The following C1QTNF5 variants were observed in gnomAD, a reference collection of about 807,000 sequenced individuals.
C1QTNF5 encodes complement C1q tumor necrosis factor-related protein 5.
In C1QTNF5, 5 loss-of-function variants were observed where a neutral mutation model predicts 10.9. The observed-to-expected ratio is 0.46, with a 90% CI of 0.24 to 0.97. C1QTNF5 has a LOEUF of 0.97. Among genes scored for constraint, C1QTNF5 ranks in the 50% least tolerant of loss-of-function variants. The probability of loss-of-function intolerance (pLI) is 0.19; values close to 1 mark genes in which losing one functional copy is unlikely to be tolerated. For synonymous variants in C1QTNF5, 161 were observed against 156.5 expected, an observed-to-expected ratio of 1.03 and a Z score of -0.22; for missense variants, 281 against 339.4, an observed-to-expected ratio of 0.83 and a Z score of 1.35.
At position 119,340,182 on chromosome 11, in the gene C1QTNF5, A is replaced by G; in HGVS notation, c.214+2T>C. 1 of 1,513,800 alleles carries G rather than the reference A, an allele frequency of 6.6e-7. No individual in the cohort carries two copies. Among genetic ancestry groups the G allele is most frequent in the Non-Finnish European group, 8.8e-7 (1 of 1,134,002 alleles). 93.8% of individuals were successfully genotyped at this position (1,513,800 alleles called of 1,614,324 possible). ...CCGATAGCCGCGGCGGTGCCTTCTT[A>G]CCCGGCCTCCCGCCCTCGCCTTTCT... On this transcript the variant is annotated splice_donor_variant, in intron 2 of 2. Coordinates refer to ENST00000528368, the MANE Select transcript of C1QTNF5 (RefSeq NM_001278431.2). LOFTEE classifies it high-confidence loss of function.
chr11:119,339,824 G>GGGTCCCCTCGA lies in C1QTNF5; in HGVS notation c.228_238dup (p.Pro80LeufsTer55). 6.6e-7 allele frequency: 1 copy of GGGTCCCCTCGA among 1,512,572 alleles called. No homozygotes were observed. Among genetic ancestry groups the GGGTCCCCTCGA allele is most frequent in the Non-Finnish European group, 8.8e-7 (1 of 1,136,998 alleles). 93.7% of individuals were successfully genotyped at this position (1,512,572 alleles called of 1,614,324 possible). ...GGGTCCCGCCTCTCCTCGCGGCCCG[G>GGGTCCCCTCGA]GGTCCCCTCGAGGTCCCGGCAGTCC... On this transcript the variant is annotated frameshift_variant, in exon 3 of 3. Transcript: ENST00000528368. LOFTEE classifies it low-confidence loss of function (END_TRUNC). This position sits in a 1 kb window ranked among gnomAD's most constrained non-coding sequence, Gnocchi z 5.4.
upstream of C1QTNF5, chr11:119,344,564 G>A (rs1950539012): frequency 6.2e-7 from 1 of 1,609,828 alleles, no homozygotes; most frequent in South Asian, 1.1e-5. Flanking sequence ...GGCTGGACCA[G>A]AGCTGGGGAG....
upstream of C1QTNF5, chr11:119,345,467 A>G (rs1216492448): frequency 6.2e-7 from 1 of 1,614,036 alleles, no homozygotes; most frequent in Non-Finnish European, 8.5e-7. Flanking sequence ...AGCGATCAAA[A>G]AGGCAAGAGG....
upstream of C1QTNF5, chr11:119,341,707 A>T (rs1950504406): frequency 1.2e-6 from 2 of 1,613,170 alleles, no homozygotes; most frequent in Non-Finnish European, 1.7e-6. Flanking sequence ...GTGGGGTGCA[A>T]CGGGGCACAA....
At chr11:119,344,005 C>T (rs1357626542), upstream of C1QTNF5, 2 of 1,607,820 alleles carry the variant, frequency 1.2e-6, no homozygotes, top group African/African-American at 1.3e-5. Context: ...GGCCCCTTCT[C>T]CTGTCTCATC....
chr11:119,339,331 C>A lies in C1QTNF5; in HGVS notation c.732G>T (p.Ter244TyrextTer36), dbSNP rs1400922950. The A allele has an allele frequency of 6.2e-7, 1 of 1,612,178 alleles. No homozygotes were observed. Among genetic ancestry groups the A allele is most frequent in the Non-Finnish European group, 8.5e-7 (1 of 1,178,946 alleles). ...SDWHSSPVFA* is the reference protein window; with the variant it reads ...SDWHSSPVFAY ...GCATGAGCTCACTTTGCAGTGGGCA[C>A]TAAGCAAAGACTGGGGAGCTGTGCC... Residue 244 changes from the stop codon to tyrosine, a stop_lost, in exon 3 of 3, where the codon TAG becomes TAT. Transcript: ENST00000528368. This position sits in a 1 kb window ranked among gnomAD's most constrained non-coding sequence, Gnocchi z 5.4.
upstream of C1QTNF5, chr11:119,341,387 G>C (rs1333783847): frequency 3.2e-6 from 2 of 633,946 alleles, no homozygotes; most frequent in Non-Finnish European, 5.5e-6. Context: ...GGGTGGTAGG[G>C]TCCCATGAGC....
chr11:119,342,602 G>T (rs1950513569), upstream of C1QTNF5: 1 of 1,613,220 alleles, frequency 6.2e-7, no homozygotes, highest in Non-Finnish European at 8.5e-7. Context: ...TCACCTGGGG[G>T]TGGGAACAAG....
At position 119,339,205 on chromosome 11, in the gene C1QTNF5, G is replaced by T; in HGVS notation, c.*126C>A. 9.3e-7 allele frequency: 1 copy of T among 1,080,930 alleles called. No homozygotes were observed. The highest frequency in any genetic ancestry group is 1.6e-5 in the African/African-American group (1 of 62,906). 67.0% of individuals were successfully genotyped at this position (1,080,930 alleles called of 1,614,324 possible). A position where few individuals can be genotyped will look rare whatever the true frequency, so the allele number is the denominator to read the frequency against. ...TTCCTTGCCAGCAGCAGGACGGAGA[G>T]TGCTCTACCCCACCTCCCTAGTCAT... On this transcript the variant is annotated 3_prime_UTR_variant, in exon 3 of 3. Transcript: ENST00000528368. This position sits in a 1 kb window ranked among gnomAD's most constrained non-coding sequence, Gnocchi z 5.4.
upstream of C1QTNF5, chr11:119,343,809 C>T: frequency 6.2e-7 from 1 of 1,613,812 alleles, no homozygotes; most frequent in Non-Finnish European, 8.5e-7. Flanking sequence ...TTCCCTGGCT[C>T]CTGTACCTGC....
At chr11:119,344,976 G>A (rs1383430915), upstream of C1QTNF5, 1 of 1,607,682 alleles carries the variant, frequency 6.2e-7, no homozygotes, top group Non-Finnish European at 8.5e-7. Flanking sequence ...TTGGTGTTGA[G>A]CGTGGGGGGA....
upstream of C1QTNF5, chr11:119,341,784 G>T: frequency 6.2e-7 from 1 of 1,613,238 alleles, no homozygotes; most frequent in Non-Finnish European, 8.5e-7. Context: ...TGCGGAGGGA[G>T]AGTGGCCTTC....
chr11:119,345,560 G>GT (rs1353587068), upstream of C1QTNF5: 1 of 1,614,062 alleles, frequency 6.2e-7, no homozygotes. Flanking sequence ...CGCAGTGGGT[G>GT]TTGGGGGGGT....
At chr11:119,345,303 G>C, upstream of C1QTNF5, 1 of 1,071,960 alleles carries the variant, frequency 9.3e-7, no homozygotes, top group Non-Finnish European at 1.4e-6. Context: ...GCTGGGCCCA[G>C]AGGTCTAGTC....
upstream of C1QTNF5, chr11:119,342,593 C>A (rs11217241): frequency 6.2e-7 from 1 of 1,612,656 alleles, no homozygotes; most frequent in East Asian, 2.2e-5. Context: ...GCAGGCTTCT[C>A]ACCTGGGGGT....
At chr11:119,346,590 A>C in the C1QTNF5 span, 1 of 1,473,102 alleles carries the variant, frequency 6.8e-7, no homozygotes, top group Non-Finnish European at 9.5e-7. Flanking sequence ...CTGACCACAA[A>C]CTCCCTGTCA....
chr11:119,346,327 G>T, the C1QTNF5 span: 2 of 1,613,914 alleles, frequency 1.2e-6, no homozygotes, highest in Non-Finnish European at 1.7e-6. Flanking sequence ...CTGGGGGAGG[G>T]CAGGGTGGCC....
Position 119,339,632 on chromosome 11 carries a change from G to T in C1QTNF5, c.431C>A (p.Thr144Asn). The T allele has an allele frequency of 6.2e-7, 1 of 1,612,996 alleles. No individual in the cohort carries two copies. Among genetic ancestry groups the T allele is most frequent in the Non-Finnish European group, 8.5e-7 (1 of 1,180,042 alleles). Residue 144 changes from threonine to asparagine, a missense_variant, in exon 3 of 3, where the codon ACC becomes AAC. Thr to Asn is a moderately conservative substitution (Grantham distance 65). Coordinates refer to ENST00000528368, the MANE Select transcript of C1QTNF5 (RefSeq NM_001278431.2). The surrounding 1 kb of genome is among the most constrained non-coding windows in gnomAD (Gnocchi z 5.4). ...GTAGTAGACCCCAGGCACCTGGCAG[G>T]TGAACTTGCCGGTGACGGCGTCGTA... is the stretch of plus-strand genomic sequence containing the variant. The part of the protein sequence containing the change: ...GHYDAVTGKF[T>N]CQVPGVYYFA...
chr11:119,342,784 C>G (rs1051134777), upstream of C1QTNF5: 35 of 1,612,950 alleles, frequency 2.2e-5, no homozygotes, highest in Non-Finnish European at 2.7e-5. Flanking sequence ...CCCAGTACCC[C>G]CAGAGTGTCC....
Sources: allele counts gnomAD v4.1 joint callset, GRCh38; gene constraint gnomAD v4.1.1; non-coding constraint Gnocchi (gnomAD v3.1); transcripts MANE v1.5; gene names NCBI Gene and HGNC (gene_info 2026-07-23, HGNC 2026-07-21).